SIX4: variants seen among roughly 807,000 people sequenced by gnomAD.
SIX4 encodes homeobox protein SIX4.
SIX4 carries 23 observed loss-of-function variants against 51.5 expected under a neutral mutation model. The observed-to-expected ratio is 0.45, with a 90% confidence interval of 0.32 to 0.63. SIX4 has a LOEUF of 0.63. Among genes scored for constraint, SIX4 ranks in the 30% least tolerant of loss-of-function variants. The pLI, the probability that SIX4 is intolerant of heterozygous loss-of-function variation, is 0.04. For synonymous variants in SIX4, 413 were observed against 417.3 expected (o/e 0.99, Z 0.13); for missense variants, 867 against 984.0 (o/e 0.88, Z 1.59).
At position 60,723,452 on chromosome 14, in the gene SIX4, T is replaced by A; in HGVS notation, c.623A>T (p.Tyr208Phe). Residue 208 changes from tyrosine to phenylalanine, a missense_variant, in exon 1 of 3, where the codon TAC becomes TTC. Coordinates refer to ENST00000216513, the MANE Select transcript of SIX4 (RefSeq NM_017420.5). ...RGRPLGAVDK[Y>F]RLRRKFPLPR... ...CAGGGGGAATTTCCTGCGCAGCCGG[T>A]ACTTGTCTACGGCTCCCAGCGGCCG... 1 of 1,609,230 alleles carries A rather than the reference T, an allele frequency of 6.2e-7. No individual in the cohort carries two copies.
In SIX4 at chr14:60,719,785, G is replaced by A; in HGVS notation, c.1524C>T (p.Pro508=). The change falls in exon 2 of 3, where the codon CCC becomes CCT. Residue 508 remains proline, a synonymous_variant. Transcript: ENST00000216513. This position sits in a 1 kb window ranked among gnomAD's most constrained non-coding sequence, Gnocchi z 4.9. ...GSIGFSPLQL[P]PVSVAASQGN... is the part of the protein sequence containing the mutation. ...CTTGTGAAGCTGCCACTGACACAGG[G>A]GGCAGCTGCAGTGGAGAGAATCCAA... The A allele has an allele frequency of 1.9e-6, 3 of 1,614,054 alleles. No homozygotes were observed. Among genetic ancestry groups the A allele is most frequent in the Non-Finnish European group, 2.5e-6 (3 of 1,179,966 alleles).
chr14:60,713,460 C>G lies in SIX4; in HGVS notation c.2293G>C (p.Glu765Gln). The G allele has an allele frequency of 1.9e-6, 3 of 1,613,942 alleles. 1 individual carries two copies. In the South Asian group the frequency reaches 3.3e-5, roughly 18 times the overall value. Residue 765 changes from glutamate (E) to glutamine (Q), a missense_variant, in exon 3 of 3, where the codon GAG (glutamate) becomes CAG (glutamine). By Grantham distance (29) the Glu-to-Gln change is conservative (BLOSUM62 2). Transcript: ENST00000216513. ...TGGACAGTCTGGAGCTTGGCAAGCT[C>G]TTTTTTGTCTGTTTCCAGGTCTTCA... ...VCEDLETDKK[E>Q]LAKLQTVQLD...
Position 60,719,310 on chromosome 14 carries a change from G to T in SIX4, c.1549+450C>A, listed in dbSNP as rs1895976921. On this transcript the variant is annotated intron_variant, in intron 2 of 2. Coordinates refer to ENST00000216513, the MANE Select transcript of SIX4 (RefSeq NM_017420.5). The surrounding 1 kb of genome is among the most constrained non-coding windows in gnomAD (Gnocchi z 4.9). ...AAACATAATTGATCCGGTCTTTTTA[G>T]CTTGTTCTTCTAAAACATTTTTTGG... Among the ~76,000 whole-genome samples the T allele has an allele frequency of 6.6e-6, 1 of 152,128 alleles. No homozygotes were observed. Among genetic ancestry groups the T allele is most frequent in the Admixed American group, 6.5e-5 (1 of 15,268 alleles).
In SIX4 at chr14:60,723,847, C is replaced by T; in HGVS notation, c.228G>A (p.Ala76=). The T allele has an allele frequency of 3.3e-6, 5 of 1,513,776 alleles. No homozygotes were observed. Among genetic ancestry groups the T allele is most frequent in the Non-Finnish European group, 4.4e-6 (5 of 1,142,606 alleles). 93.8% of individuals were successfully genotyped at this position (1,513,776 alleles called of 1,614,324 possible). Residue 76 remains alanine (A), a synonymous_variant, in exon 1 of 3, where the codon GCG becomes GCA. Coordinates refer to ENST00000216513, the MANE Select transcript of SIX4 (RefSeq NM_017420.5). The part of the protein sequence containing the change: ...SGEEGAVAAA[A]AGAAADQVQL... ...GTACCTGATCCGCCGCCGCTCCGGC[C>T]GCCGCCGCCGCCACTGCCCCTTCCT...
At position 60,719,842 on chromosome 14, in the gene SIX4, G is replaced by A. The variant is rs200884734; in HGVS notation, c.1467C>T (p.Ser489=). 1.1e-5 allele frequency: 17 copies of A among 1,614,182 alleles called. No homozygotes were observed. The highest frequency in any genetic ancestry group is 4.5e-5 in the East Asian group (2 of 44,888). ...NQYGIVQIPN[S]GANSQFLNGS... is the part of the protein sequence containing the mutation. ...CATTAAGGAACTGGCTGTTTGCTCC[G>A]GAATTGGGGATCTGGACAATGCCAT... Residue 489 remains serine, a synonymous_variant, in exon 2 of 3, where the codon TCC becomes TCT. Transcript: ENST00000216513. This position sits in a 1 kb window ranked among gnomAD's most constrained non-coding sequence, Gnocchi z 4.9.
At position 60,713,534 on chromosome 14, in the gene SIX4, A is replaced by G. The variant is rs1329620860; in HGVS notation, c.2219T>C (p.Leu740Pro). 5.0e-6 allele frequency: 8 copies of G among 1,614,242 alleles called. No individual in the cohort carries two copies. The highest frequency in any genetic ancestry group is 2.2e-5 in the South Asian group (2 of 91,078). Reference sequence around the variant, plus strand: ...TAAGACATACTTGGATTTAGAGTCCAGCATCATTAAGCTACTTGTTGCTTT... The same window carrying G: ...TAAGACATACTTGGATTTAGAGTCCGGCATCATTAAGCTACTTGTTGCTTT... ...ESKATSSLMMLDSKSKYVLDG... is the reference protein window; with the variant it reads ...ESKATSSLMMPDSKSKYVLDG... The change falls in exon 3 of 3, where the codon CTG (leucine) becomes CCG (proline). Residue 740 changes from leucine (L) to proline (P), a missense_variant. By Grantham distance (98) the Leu-to-Pro change is moderately conservative (BLOSUM62 -3). Transcript: ENST00000216513.
At position 60,717,588 on chromosome 14, in the gene SIX4, C is replaced by T. The variant is rs1895940636; in HGVS notation, c.1549+2172G>A. On this transcript the variant is annotated intron_variant, in intron 2 of 2. Coordinates refer to ENST00000216513, the MANE Select transcript of SIX4 (RefSeq NM_017420.5). The surrounding 1 kb of genome is among the most constrained non-coding windows in gnomAD (Gnocchi z 4.6). ...ACTTCTGAATTTGTAGAAATTATAA[C>T]ATATATAAAAGAGAATTTGATCTAA... 6.6e-6 allele frequency among the ~76,000 whole-genome samples: 1 copy of T among 152,018 alleles called. No homozygotes were observed. The highest frequency in any genetic ancestry group is 1.5e-5 in the Non-Finnish European group (1 of 67,990).
At chr14:60,716,837 A>AT (rs1388979934) in intron 2 of SIX4, among the ~76,000 whole-genome samples, 2 of 152,212 alleles carry the variant, frequency 1.3e-5, no homozygotes, top group Non-Finnish European at 2.9e-5. Flanking sequence ...TCTTCCAAAT[A>AT]TTTTTAATGC....
intron 2 of SIX4, among the ~76,000 whole-genome samples, chr14:60,715,878 CTTT>C: frequency 7.0e-6 from 1 of 142,910 alleles, no homozygotes; most frequent in African/African-American, 2.6e-5. Flanking sequence ...TCAGTCAACT[CTTT>C]TTTTTTTTTT....
At position 60,713,217 on chromosome 14, in the gene SIX4, G is replaced by T; in HGVS notation, c.*190C>A. 1 of 519,500 alleles carries T rather than the reference G, an allele frequency of 1.9e-6. No individual in the cohort carries two copies. Among genetic ancestry groups the T allele is most frequent in the Admixed American group, 3.7e-5 (1 of 26,686 alleles). The allele number at this position is 519,500 out of a possible 1,614,324, so 32.2% of individuals were successfully genotyped here. A position where few individuals can be genotyped will look rare whatever the true frequency, so the allele number is the denominator to read the frequency against. Reference sequence around the variant, plus strand: ...GAGAAATTTATAAGTGAACAAAAAGGCTGCAATAATGCAGTTCTACTCCTG... The same window carrying T: ...GAGAAATTTATAAGTGAACAAAAAGTCTGCAATAATGCAGTTCTACTCCTG... On this transcript the variant is annotated 3_prime_UTR_variant, in exon 3 of 3. Transcript: ENST00000216513.
chr14:60,719,114 T>C lies in SIX4; in HGVS notation c.1549+646A>G, dbSNP rs1423772304. Among the ~76,000 whole-genome samples, 4 of 152,328 alleles carry C rather than the reference T, an allele frequency of 2.6e-5. No homozygotes were observed. The highest frequency in any genetic ancestry group is 2.1e-4 in the South Asian group (1 of 4,828). The stretch of plus-strand genomic sequence containing the variant: ...TCATTTAAGTGCTTTCTCTGGAAGA[T>C]TGCTGTTAGTAAAGCCACAAACATA... On this transcript the variant is annotated intron_variant, in intron 2 of 2. Coordinates refer to ENST00000216513, the MANE Select transcript of SIX4 (RefSeq NM_017420.5). This position sits in a 1 kb window ranked among gnomAD's most constrained non-coding sequence, Gnocchi z 4.9.
In SIX4 at chr14:60,723,687, C is replaced by T; in HGVS notation, c.388G>A (p.Ala130Thr). 2.6e-6 allele frequency: 4 copies of T among 1,566,556 alleles called. No homozygotes were observed. The highest frequency in any genetic ancestry group is 3.5e-6 in the Non-Finnish European group (4 of 1,157,530). The change falls in exon 1 of 3, where the codon GCC becomes ACC. Residue 130 changes from alanine to threonine, a missense_variant. Physicochemically the swap from Ala to Thr is moderately conservative, Grantham distance 58. Coordinates refer to ENST00000216513, the MANE Select transcript of SIX4 (RefSeq NM_017420.5). ...LQQGGNLDRL[A>T]RFLWSLPQSD... ...TGGGGCAGGGACCACAGGAACCGGG[C>T]CAGGCGGTCCAGGTTGCCCCCCTGC...
rs1895851026 is a variant in SIX4 at position 60,713,022 on chromosome 14, AT to A, written c.*384del. On this transcript the variant is annotated 3_prime_UTR_variant, in exon 3 of 3. Transcript: ENST00000216513. Reference sequence around the variant, plus strand: ...AGTAAAAGTAAACAAAAACAATTGTATTATTTCTAATGGTCTGCAGCTATCT... The same window carrying A: ...AGTAAAAGTAAACAAAAACAATTGTATATTTCTAATGGTCTGCAGCTATCT... 1 of 162,348 alleles carries A rather than the reference AT, an allele frequency of 6.2e-6. No homozygotes were observed. Among genetic ancestry groups the A allele is most frequent in the Non-Finnish European group, 1.3e-5 (1 of 74,834 alleles). 10.1% of individuals were successfully genotyped at this position (162,348 alleles called of 1,614,324 possible). A position where few individuals can be genotyped will look rare whatever the true frequency, so the allele number is the denominator to read the frequency against.
In SIX4 at chr14:60,719,060, T is replaced by G. The variant is rs1295011976; in HGVS notation, c.1549+700A>C. Among the ~76,000 whole-genome samples the G allele has an allele frequency of 6.6e-6, 1 of 152,210 alleles. No individual in the cohort carries two copies. The highest frequency in any genetic ancestry group is 1.9e-4 in the East Asian group (1 of 5,202). ...GGCTTGCTTAAAGTCAGTGAAGAAC[T>G]AATATATCAGCCTCAGTTTTCCTGA... On this transcript the variant is annotated intron_variant, in intron 2 of 2. Coordinates refer to ENST00000216513, the MANE Select transcript of SIX4 (RefSeq NM_017420.5). The surrounding 1 kb of genome is among the most constrained non-coding windows in gnomAD (Gnocchi z 4.9).
Position 60,717,723 on chromosome 14 carries a change from A to G in SIX4, c.1549+2037T>C, listed in dbSNP as rs990503701. ...AGATACAAAGCATTACTTTGTAATGATAAGAAAAAAATCAGGCCAGGCGCT... is the reference window on the plus strand; with the variant it reads ...AGATACAAAGCATTACTTTGTAATGGTAAGAAAAAAATCAGGCCAGGCGCT... On this transcript the variant is annotated intron_variant, in intron 2 of 2. Coordinates refer to ENST00000216513, the MANE Select transcript of SIX4 (RefSeq NM_017420.5). The surrounding 1 kb of genome is among the most constrained non-coding windows in gnomAD (Gnocchi z 4.6). 2.6e-5 allele frequency among the ~76,000 whole-genome samples: 4 copies of G among 152,172 alleles called. No individual in the cohort carries two copies. Among genetic ancestry groups the G allele is most frequent in the African/African-American group, 9.6e-5 (4 of 41,452 alleles).
chr14:60,714,956 AC>A (rs1428380803), intron 2 of SIX4, among the ~76,000 whole-genome samples: 5 of 107,804 alleles, frequency 4.6e-5, no homozygotes, highest in Non-Finnish European at 9.5e-5. Flanking sequence ...GAGCCACAGC[AC>A]CCGGGCCCTT....
At position 60,722,960 on chromosome 14, in the gene SIX4, G is replaced by C; in HGVS notation, c.863+252C>G. The C allele has an allele frequency of 1.6e-6, 1 of 621,274 alleles. No homozygotes were observed. The allele number at this position is 621,274 out of a possible 1,614,324, so 38.5% of individuals were successfully genotyped here. On this transcript the variant is annotated intron_variant, in intron 1 of 2. Transcript: ENST00000216513. This position sits in a 1 kb window ranked among gnomAD's most constrained non-coding sequence, Gnocchi z 5.9. ...ACCAGCCGAGGTGGGGGCGGGGACT[G>C]AGACCTAGGCGGGCGACCAGAAACT...
rs1042617510 is a variant in SIX4, at chr14:60,710,494, T to C, written c.*2913A>G. On this transcript the variant is annotated 3_prime_UTR_variant, in exon 3 of 3. Coordinates refer to ENST00000216513, the MANE Select transcript of SIX4 (RefSeq NM_017420.5). Reference sequence around the variant, plus strand: ...GGCTGATAGAGTGCATAGATAGGCTTACACCAAAAATCCCACAGCCAGCAG... The same window carrying C: ...GGCTGATAGAGTGCATAGATAGGCTCACACCAAAAATCCCACAGCCAGCAG... 6.6e-6 allele frequency: 1 copy of C among 152,596 alleles called. No individual in the cohort carries two copies. The highest frequency in any genetic ancestry group is 1.5e-5 in the Non-Finnish European group (1 of 68,024). 9.5% of individuals were successfully genotyped at this position (152,596 alleles called of 1,614,324 possible). A position where few individuals can be genotyped will look rare whatever the true frequency, so the allele number is the denominator to read the frequency against.
In SIX4 at chr14:60,723,670, G is replaced by T; in HGVS notation, c.405C>A (p.Ser135=). ...NLDRLARFLW[S]LPQSDLLRGN... ...CACGTAGCAGGTCGCTCTGGGGCAGGGACCACAGGAACCGGGCCAGGCGGT... is the reference window on the plus strand; with the variant it reads ...CACGTAGCAGGTCGCTCTGGGGCAGTGACCACAGGAACCGGGCCAGGCGGT... Residue 135 remains serine, a synonymous_variant, in exon 1 of 3, where the codon TCC becomes TCA. Coordinates refer to ENST00000216513, the MANE Select transcript of SIX4 (RefSeq NM_017420.5). The T allele has an allele frequency of 6.3e-7, 1 of 1,582,566 alleles. No individual in the cohort carries two copies.
Sources: allele counts gnomAD v4.1 joint callset (sites outside exome capture counted in the v4.1 genomes callset), GRCh38; gene constraint gnomAD v4.1.1; non-coding constraint Gnocchi (gnomAD v3.1); transcripts MANE v1.5; gene names NCBI Gene and HGNC (gene_info 2026-07-23, HGNC 2026-07-21).